The following NTM variants were observed in gnomAD, a reference collection of about 807,000 sequenced individuals.
The protein encoded by NTM is neurotrimin.
NTM carries 13 observed loss-of-function variants against 42.1 expected under a neutral mutation model. The ratio of observed to expected loss-of-function variants is 0.31; its 90% confidence interval spans 0.20 to 0.49. NTM has a LOEUF of 0.49. Ranked by LOEUF, NTM falls within the 20% of genes least tolerant of loss-of-function variation. The pLI is 0.99. For synonymous variants in NTM, 187 were observed against 179.2 expected (o/e 1.04, Z -0.35); for missense variants, 373 against 452.8 (o/e 0.82, Z 1.60).
intron 6 of NTM, chr11:132,312,420 G>A (rs765782304): frequency 6.6e-6 from 1 of 152,266 alleles, no homozygotes; most frequent in African/African-American, 2.4e-5. Context: ...CTATACCTAC[G>A]GAAGGCCACC....
intron 1 of NTM, among the ~76,000 whole-genome samples, chr11:131,635,121 C>G (rs186801219): frequency 6.6e-6 from 1 of 152,352 alleles, no homozygotes; most frequent in East Asian, 1.9e-4. Flanking sequence ...CAATGCATTA[C>G]TTACGTATTT....
intron 3 of NTM, among the ~76,000 whole-genome samples, chr11:132,173,023 C>T (rs1007578015): frequency 6.6e-5 from 10 of 152,202 alleles, no homozygotes; most frequent in Non-Finnish European, 1.5e-5. Context: ...AATGTCTAAA[C>T]ATCACATGGA....
At chr11:132,134,715 A>G (rs1200626817) in intron 2 of NTM, among the ~76,000 whole-genome samples, 3,388 of 34,090 alleles carry the variant, frequency 0.099, 552 homozygotes, top group African/African-American at 0.2. Context: ...GTATATATAT[A>G]TATATATATA....
intron 1 of NTM, among the ~76,000 whole-genome samples, chr11:131,611,806 T>C (rs569189561): frequency 6.6e-6 from 1 of 152,262 alleles, no homozygotes; most frequent in South Asian, 2.1e-4. Flanking sequence ...GACCAGACTT[T>C]CCCCACACAG....
chr11:131,668,256 C>CTATA (rs2069446590), intron 1 of NTM, among the ~76,000 whole-genome samples: 1 of 147,178 alleles, frequency 6.8e-6, no homozygotes, highest in African/African-American at 2.6e-5. Flanking sequence ...CTACCTCTAT[C>CTATA]TATCTATCTA....
chr11:131,943,404 G>A (rs1460001043), intron 2 of NTM, among the ~76,000 whole-genome samples: 2 of 152,228 alleles, frequency 1.3e-5, no homozygotes, highest in Admixed American at 6.5e-5. Flanking sequence ...ACCCAGTTGG[G>A]AGGGCCCAGT....
chr11:131,911,824 G>A (rs577936181), intron 2 of NTM, among the ~76,000 whole-genome samples, 176 bp downstream of exon 2: 1 of 152,318 alleles, frequency 6.6e-6, no homozygotes, highest in Non-Finnish European at 1.5e-5. Context: ...GCAGTCGTAG[G>A]GAAAGGCTCA....
chr11:132,299,098 A>G (rs527555698), intron 4 of NTM, among the ~76,000 whole-genome samples: 14 of 152,228 alleles, frequency 9.2e-5, no homozygotes, highest in African/African-American at 2.9e-4. Context: ...GGTCGAGACC[A>G]TCCTGGCTAA....
chr11:132,056,225 G>A lies in NTM; in HGVS notation c.168-90057G>A, dbSNP rs189763554. 3.8e-3 allele frequency among the ~76,000 whole-genome samples: 584 copies of A among 152,256 alleles called. 2 individuals are homozygous for A. The highest frequency in any genetic ancestry group is 5.7e-3 in the Non-Finnish European group (388 of 68,010). On this transcript the variant is annotated intron_variant, in intron 2 of 8. Coordinates refer to ENST00000683400, the MANE Select transcript of NTM (RefSeq NM_001352005.2). ...GTATACTTGTATTCCAAACTTTGATGATTTAAAAAGGGAAGAGAGAAGGAG... is the reference window on the plus strand; with the variant it reads ...GTATACTTGTATTCCAAACTTTGATAATTTAAAAAGGGAAGAGAGAAGGAG...
At chr11:131,713,240 C>T (rs1471746430) in intron 1 of NTM, among the ~76,000 whole-genome samples, 1 of 152,124 alleles carries the variant, frequency 6.6e-6, no homozygotes, top group Admixed American at 6.5e-5. Flanking sequence ...ATATAAACGA[C>T]ACAATGCCGT....
intron 4 of NTM, among the ~76,000 whole-genome samples, chr11:132,244,616 TTC>T (rs1337592710): frequency 1.3e-5 from 2 of 152,224 alleles, no homozygotes; most frequent in African/African-American, 4.8e-5. Context: ...GGTGAGAACC[TTC>T]TCTTTTCAAC....
chr11:131,911,184 G>A (rs1274285257), intron 1 of NTM: 12 of 1,350,044 alleles, frequency 8.9e-6, no homozygotes, highest in Non-Finnish European at 1.1e-5. Context: ...CCTTTCACCT[G>A]CCGCGCGCTT....
At chr11:132,257,813 C>T (rs995262447) in intron 4 of NTM, among the ~76,000 whole-genome samples, 7 of 152,222 alleles carry the variant, frequency 4.6e-5, no homozygotes, top group Non-Finnish European at 1.5e-5. Flanking sequence ...AGCCCATTGC[C>T]TCTCTTTATA....
At chr11:131,466,234 A>G (rs1020787212) in intron 1 of NTM, among the ~76,000 whole-genome samples, 5 of 152,210 alleles carry the variant, frequency 3.3e-5, no homozygotes, top group Non-Finnish European at 5.9e-5. Flanking sequence ...GAAGACGGAG[A>G]AGGAGATGTT....
intron 1 of NTM, among the ~76,000 whole-genome samples, chr11:131,559,211 A>T (rs371692302): frequency 6.6e-6 from 1 of 152,338 alleles, no homozygotes; most frequent in East Asian, 1.9e-4. Flanking sequence ...CCAGGATCAC[A>T]CATTTCCAGC....
At chr11:132,140,807 T>G (rs1045136834) in intron 2 of NTM, among the ~76,000 whole-genome samples, 1 of 152,210 alleles carries the variant, frequency 6.6e-6, no homozygotes, top group African/African-American at 2.4e-5. Context: ...CGTCGTGATG[T>G]TCCCCTATGA....
chr11:132,280,307 G>A (rs1014154788), intron 4 of NTM, among the ~76,000 whole-genome samples: 10 of 151,978 alleles, frequency 6.6e-5, no homozygotes, highest in East Asian at 1.9e-4. Context: ...TCCCCCACCC[G>A]AAATAGTAAT....
At chr11:131,795,049 A>C in intron 1 of NTM, 5 of 884,146 alleles carry the variant, frequency 5.7e-6, no homozygotes, top group Non-Finnish European at 5.4e-6. Context: ...AGGGGGGGAA[A>C]AAAACAGCAC....
chr11:132,205,435 T>G (rs926040258), intron 3 of NTM, among the ~76,000 whole-genome samples: 1 of 152,208 alleles, frequency 6.6e-6, no homozygotes, highest in Non-Finnish European at 1.5e-5. Context: ...CAGAATACTG[T>G]TTTAATAATT....
Sources: gnomAD v4.1 joint callset for allele counts (sites outside exome capture counted in the v4.1 genomes callset) on GRCh38, gnomAD v4.1.1 for gene constraint, MANE v1.5 for transcripts, NCBI Gene and HGNC (gene_info 2026-07-23, HGNC 2026-07-21) for gene names.